DCC: variants seen among roughly 807,000 people sequenced by gnomAD.
DCC encodes the protein netrin receptor DCC.
A neutral mutation model predicts 172.5 loss-of-function variants in DCC; 58 were observed. That is an observed-to-expected ratio of 0.34 (90% CI 0.27 to 0.42). The LOEUF (loss-of-function observed/expected upper bound fraction) is 0.42, where lower values mean the gene tolerates loss of function less well. Among genes scored for constraint, DCC ranks in the 10% least tolerant of loss-of-function variants. The probability of loss-of-function intolerance (pLI) is 1.00; values close to 1 mark genes in which losing one functional copy is unlikely to be tolerated. For synonymous variants in DCC, 709 were observed against 644.5 expected (o/e 1.10, Z -1.52); for missense variants, 1,740 against 1,791.0 (o/e 0.97, Z 0.51).
At chr18:53,062,021 T>C (rs1301660991) in intron 5 of DCC, among the ~76,000 whole-genome samples, 1 of 152,110 alleles carries the variant, frequency 6.6e-6, no homozygotes, top group Non-Finnish European at 1.5e-5. Flanking sequence ...TATCTTTTGG[T>C]TTATTGTCAG....
chr18:53,281,982 G>A (rs2056877846), intron 12 of DCC, among the ~76,000 whole-genome samples: 1 of 152,202 alleles, frequency 6.6e-6, no homozygotes, highest in South Asian at 2.1e-4. Context: ...ACTAAGACAA[G>A]CACCCTTAGT....
intron 25 of DCC, among the ~76,000 whole-genome samples, chr18:53,474,116 T>C (rs2045732659): frequency 6.6e-6 from 1 of 152,184 alleles, no homozygotes; most frequent in Non-Finnish European, 1.5e-5. Context: ...GATTCAGCAA[T>C]TCCATTCCTA....
At chr18:52,719,732 G>T (rs936741767) in intron 1 of DCC, among the ~76,000 whole-genome samples, 5 of 152,178 alleles carry the variant, frequency 3.3e-5, no homozygotes, top group Admixed American at 1.3e-4. Context: ...TTTCTCAGAG[G>T]AAATCATATT....
At chr18:52,499,390 A>G (rs1222096815) in intron 1 of DCC, among the ~76,000 whole-genome samples, 1 of 152,154 alleles carries the variant, frequency 6.6e-6, no homozygotes, top group Non-Finnish European at 1.5e-5. Context: ...GAGGGATGAA[A>G]ATTACCTATT....
chr18:53,215,612 T>G lies in DCC; in HGVS notation c.1911+15T>G. Reference sequence around the variant, plus strand: ...TCAATTCAAGAGTAAGTTGGCTAAATGTTCACTACTCCATTACCTATCAAG... The same window carrying G: ...TCAATTCAAGAGTAAGTTGGCTAAAGGTTCACTACTCCATTACCTATCAAG... On this transcript the variant is annotated intron_variant, in intron 12 of 28. Coordinates refer to ENST00000442544, the MANE Select transcript of DCC (RefSeq NM_005215.4). The G allele has an allele frequency of 6.2e-7, 1 of 1,602,746 alleles. No individual in the cohort carries two copies. The highest frequency in any genetic ancestry group is 1.1e-5 in the South Asian group (1 of 90,840).
chr18:52,644,300 T>C lies in DCC; in HGVS notation c.92-107754T>C, dbSNP rs537198153. Among the ~76,000 whole-genome samples the C allele has an allele frequency of 1.2e-3, 181 of 152,178 alleles. 3 individuals carry two copies. Among genetic ancestry groups the C allele is most frequent in the African/African-American group, 4.2e-3 (176 of 41,526 alleles). ...CCATTAAAAGTTAGTGTGTAGAGGC[T>C]GGGTGTGATGGCTCACGCCTGTAAT... On this transcript the variant is annotated intron_variant, in intron 1 of 28. Coordinates refer to ENST00000442544, the MANE Select transcript of DCC (RefSeq NM_005215.4).
intron 26 of DCC, among the ~76,000 whole-genome samples, chr18:53,490,462 G>A (rs2045948668): frequency 6.6e-6 from 1 of 152,046 alleles, no homozygotes; most frequent in Non-Finnish European, 1.5e-5. Flanking sequence ...TATATGTATT[G>A]ACATTAATTA....
In DCC at chr18:52,906,275, G is replaced by A. The variant is rs112433088; in HGVS notation, c.644G>A (p.Arg215Gln). 2.4e-5 allele frequency: 39 copies of A among 1,614,012 alleles called. No individual in the cohort carries two copies. The highest frequency in any genetic ancestry group is 3.3e-5 in the Admixed American group (2 of 59,992). ...ATTGGAATTTACCGATGCTCAGCTC[G>A]AAATCCAGCCAGCTCAAGAACAGGA... The part of the protein sequence containing the change: ...GDIGIYRCSA[R>Q]NPASSRTGNE... The change falls in exon 3 of 29, where the codon CGA becomes CAA. Residue 215 changes from arginine (R) to glutamine (Q), a missense_variant. Around this residue, in one of 2 missense-constraint regions of DCC, gnomAD observed 1,732 missense variants for 1,767.4 expected, o/e 0.98. Transcript: ENST00000442544.
rs532576434 is a variant in DCC at position 52,655,409 on chromosome 18, CA to C, written c.92-96640del. On this transcript the variant is annotated intron_variant, in intron 1 of 28. Transcript: ENST00000442544. ...CGGTCTCTAAGTGTAATCTTTGAAA[CA>C]AAAAGAGATTAAGTCTTTTTGTGCC... 1.1e-3 allele frequency among the ~76,000 whole-genome samples: 172 copies of C among 152,216 alleles called. 1 individual carries two copies. The highest frequency in any genetic ancestry group is 3.9e-3 in the African/African-American group (160 of 41,548).
chr18:52,412,361 C>A (rs1236774012), intron 1 of DCC, among the ~76,000 whole-genome samples: 1 of 151,986 alleles, frequency 6.6e-6, no homozygotes, highest in African/African-American at 2.4e-5. Context: ...GACATATTTT[C>A]TGCCTATGAA....
chr18:53,081,754 G>A (rs1056772623), intron 7 of DCC, among the ~76,000 whole-genome samples: 1 of 152,034 alleles, frequency 6.6e-6, no homozygotes, highest in South Asian at 2.1e-4. Flanking sequence ...ATTGTAATTG[G>A]TGATGGATGG....
intron 12 of DCC, among the ~76,000 whole-genome samples, chr18:53,275,758 G>A (rs1362534454): frequency 6.6e-6 from 1 of 152,092 alleles, no homozygotes; most frequent in Non-Finnish European, 1.5e-5. Flanking sequence ...GAGAGCTAAT[G>A]TGGTAGTCTA....
At chr18:53,524,897 A>C (rs550830586) in intron 27 of DCC, among the ~76,000 whole-genome samples, 1 of 151,870 alleles carries the variant, frequency 6.6e-6, no homozygotes, top group African/African-American at 2.4e-5. Context: ...TTATTTTGGC[A>C]CCCCCATGTG....
chr18:52,767,987 A>G (rs118144216), intron 2 of DCC, among the ~76,000 whole-genome samples: 5,213 of 152,336 alleles, frequency 0.034, 127 homozygotes, highest in Admixed American at 0.049. Flanking sequence ...GGAGGATTAC[A>G]AATGAAATAG....
At chr18:53,351,309 ATATATACACTGTATATATATATACAGTG>A (rs1568074523) in intron 15 of DCC, among the ~76,000 whole-genome samples, 1 of 31,866 alleles carries the variant, frequency 3.1e-5, no homozygotes, top group East Asian at 9.8e-4. Context: ...ATATATATAT[ATATATACACTGTATATATATATACAGTG>A]TATATATATA....
chr18:52,857,487 G>T (rs1172164479), intron 2 of DCC, among the ~76,000 whole-genome samples: 2 of 151,970 alleles, frequency 1.3e-5, no homozygotes, highest in Non-Finnish European at 2.9e-5. Flanking sequence ...TTGTACAAAT[G>T]ACCCACTGAA....
At chr18:52,616,866 T>C (rs929396579) in intron 1 of DCC, among the ~76,000 whole-genome samples, 3 of 151,994 alleles carry the variant, frequency 2.0e-5, no homozygotes, top group Non-Finnish European at 2.9e-5. Context: ...ATTCTAAACA[T>C]GGGAGCAACA....
chr18:53,149,885 T>C (rs989321391), intron 7 of DCC, among the ~76,000 whole-genome samples: 5 of 152,218 alleles, frequency 3.3e-5, no homozygotes, highest in Non-Finnish European at 7.3e-5. Flanking sequence ...TACTCTTTGC[T>C]GTATGATTCT....
In DCC at chr18:53,063,311, C is replaced by A; in HGVS notation, c.992C>A (p.Pro331Gln). Residue 331 changes from proline to glutamine, a missense_variant, in exon 6 of 29, where the codon CCA becomes CAA. Pro to Gln is a moderately conservative substitution (Grantham distance 76). Transcript: ENST00000442544. ...TTTTTTTCTGTCTTTGCAGTTCCGC[C>A]ATGGTTTTTAAATCATCCTTCCAAC... ...ASAELTVLVP[P>Q]WFLNHPSNLY... 1 of 1,613,028 alleles carries A rather than the reference C, an allele frequency of 6.2e-7. No homozygotes were observed. Among genetic ancestry groups the A allele is most frequent in the South Asian group, 1.1e-5 (1 of 91,068 alleles).
Sources: gnomAD v4.1 joint callset for allele counts (sites outside exome capture counted in the v4.1 genomes callset) on GRCh38, gnomAD v4.1.1 for gene constraint, gnomAD v4.1.1 regional missense constraint, MANE v1.5 for transcripts, NCBI Gene and HGNC (gene_info 2026-07-23, HGNC 2026-07-21) for gene names.